The following SORCS1 variants were observed in gnomAD, a reference collection of about 807,000 sequenced individuals.
SORCS1 encodes the protein sortilin related VPS10 domain containing receptor 1, also known as VPS10 domain-containing receptor SorCS1.
SORCS1 carries 60 observed loss-of-function variants against 146.1 expected under a neutral mutation model. That is an observed-to-expected ratio of 0.41 (90% CI 0.33 to 0.51). The LOEUF is 0.51. Among genes scored for constraint, SORCS1 ranks in the 20% least tolerant of loss-of-function variants. SORCS1 has a pLI of 0.21. For synonymous variants in SORCS1, 637 were observed against 584.0 expected (o/e 1.09, Z -1.31); for missense variants, 1,352 against 1,487.6 (o/e 0.91, Z 1.50).
chr10:106,782,865 A>G (rs1470984929), intron 3 of SORCS1, among the ~76,000 whole-genome samples: 2 of 152,154 alleles, frequency 1.3e-5, no homozygotes, highest in Non-Finnish European at 2.9e-5. Flanking sequence ...TGCACCACAG[A>G]CTTCTGTTCC....
At chr10:106,656,400 A>G (rs1162243528) in intron 17 of SORCS1, among the ~76,000 whole-genome samples, 2 of 152,052 alleles carry the variant, frequency 1.3e-5, no homozygotes, top group Admixed American at 1.3e-4. Flanking sequence ...AATACAAAAA[A>G]ATTAGCCGGG....
intron 16 of SORCS1, among the ~76,000 whole-genome samples, chr10:106,669,704 C>G (rs1157570803): frequency 6.6e-6 from 1 of 152,240 alleles, no homozygotes; most frequent in Non-Finnish European, 1.5e-5. Flanking sequence ...GATTTGAGCT[C>G]CCTGAAGATT....
intron 2 of SORCS1, among the ~76,000 whole-genome samples, chr10:106,920,509 C>T (rs543816504): frequency 6.6e-6 from 1 of 152,326 alleles, no homozygotes; most frequent in Non-Finnish European, 1.5e-5. Context: ...TTCTCCCTCC[C>T]ATGTCCTCAT....
chr10:106,985,661 C>T (rs778965182), intron 1 of SORCS1, among the ~76,000 whole-genome samples: 6 of 151,864 alleles, frequency 4.0e-5, no homozygotes, highest in Non-Finnish European at 7.4e-5. Context: ...CTCAGCTTCC[C>T]GAGTAGCTGG....
At chr10:106,932,728 C>T (rs1021525528) in intron 2 of SORCS1, among the ~76,000 whole-genome samples, 3 of 152,222 alleles carry the variant, frequency 2.0e-5, no homozygotes, top group Non-Finnish European at 4.4e-5. Context: ...ATCAGAAGCA[C>T]CTTCAAGGTG....
At chr10:106,758,642 A>G (rs114673183) in intron 5 of SORCS1, among the ~76,000 whole-genome samples, 2,298 of 152,340 alleles carry the variant, frequency 0.015, 56 homozygotes, top group African/African-American at 0.052. Flanking sequence ...AATGAAAGAA[A>G]AAGACATGAA....
In SORCS1 at chr10:107,146,024, A is replaced by G. The variant is rs1258387125; in HGVS notation, c.558+17945T>C. On this transcript the variant is annotated intron_variant, in intron 1 of 25. Coordinates refer to ENST00000263054, the MANE Select transcript of SORCS1 (RefSeq NM_052918.5). ...CTGGGGCAAGCATCCTGGTTTTCACAGGGAAGTAGCTCCACAGTTTTATTG... is the reference window on the plus strand; with the variant it reads ...CTGGGGCAAGCATCCTGGTTTTCACGGGGAAGTAGCTCCACAGTTTTATTG... Among the ~76,000 whole-genome samples, 4 of 152,356 alleles carry G rather than the reference A, an allele frequency of 2.6e-5. No homozygotes were observed. The East Asian group carries it at 7.7e-4, about 29-fold the overall frequency.
chr10:106,583,843 T>A (rs1201825584), intron 24 of SORCS1, among the ~76,000 whole-genome samples: 1 of 152,156 alleles, frequency 6.6e-6, no homozygotes, highest in Non-Finnish European at 1.5e-5. Flanking sequence ...GCTCGGTTTC[T>A]TTCCAAGTTT....
intron 12 of SORCS1, 143 bp from the exon 13 acceptor site, chr10:106,677,547 G>A (rs1260917160): frequency 8.9e-6 from 6 of 673,604 alleles, no homozygotes; most frequent in African/African-American, 3.6e-5. Context: ...TAAAGCTATA[G>A]AACAGTTCTT....
At chr10:106,901,728 C>G (rs1293451092) in intron 2 of SORCS1, among the ~76,000 whole-genome samples, 1 of 152,122 alleles carries the variant, frequency 6.6e-6, no homozygotes, top group East Asian at 1.9e-4. Context: ...AGCCACTGTC[C>G]CTGGCCACAA....
Position 106,577,509 on chromosome 10 carries a change from C to T in SORCS1, c.3418G>A (p.Asp1140Asn), listed in dbSNP as rs773379815. Residue 1140 changes from aspartate (D) to asparagine (N), a missense_variant, in exon 26 of 26, where the codon GAC becomes AAC. Physicochemically the swap from Asp to Asn is conservative, Grantham distance 23. Transcript: ENST00000263054. ...GCTCTTTGCAATCGGAGAGATGAGT[C>T]ACCAGGTTGAGTAGAAGGGGAGGGA... ...SPPSPSTQPG[D>N]SSLRLQRARH... 5 of 1,600,862 alleles carry T rather than the reference C, an allele frequency of 3.1e-6. No individual in the cohort carries two copies. The highest frequency in any genetic ancestry group is 4.3e-6 in the Non-Finnish European group (5 of 1,171,474).
intron 1 of SORCS1, among the ~76,000 whole-genome samples, chr10:107,072,420 C>CAA (rs1962510484): frequency 1.3e-5 from 2 of 152,252 alleles, no homozygotes; most frequent in Admixed American, 6.5e-5. Context: ...TGCCTTGGAA[C>CAA]GGCTAATAAC....
intron 1 of SORCS1, among the ~76,000 whole-genome samples, chr10:107,082,223 G>T (rs1044802205): frequency 1.3e-5 from 2 of 152,164 alleles, no homozygotes; most frequent in African/African-American, 4.8e-5. Context: ...GGCCTTGACT[G>T]CCCTCAGAGG....
In SORCS1 at chr10:106,960,474, G is replaced by A. The variant is rs937829025; in HGVS notation, c.559-3894C>T. Reference sequence around the variant, plus strand: ...GGCTGGAGTGCAGTGGCGTGATCTCGGCTCACTGCAACCTCCGCCTCACAG... The same window carrying A: ...GGCTGGAGTGCAGTGGCGTGATCTCAGCTCACTGCAACCTCCGCCTCACAG... On this transcript the variant is annotated intron_variant, in intron 1 of 25. Transcript: ENST00000263054. This position sits in a 1 kb window ranked among gnomAD's most constrained non-coding sequence, Gnocchi z 4.4. Among the ~76,000 whole-genome samples the A allele has an allele frequency of 1.3e-5, 2 of 151,036 alleles. No individual in the cohort carries two copies. Among genetic ancestry groups the A allele is most frequent in the Non-Finnish European group, 2.9e-5 (2 of 67,828 alleles).
intron 3 of SORCS1, among the ~76,000 whole-genome samples, chr10:106,802,011 G>C (rs973433961): frequency 6.6e-6 from 1 of 152,208 alleles, no homozygotes; most frequent in Non-Finnish European, 1.5e-5. Context: ...CATTTATTAA[G>C]TACTTTCATT....
chr10:106,629,437 C>A, intron 18 of SORCS1, 49 bp from the exon 19 acceptor site: 1 of 1,592,940 alleles, frequency 6.3e-7, no homozygotes, highest in South Asian at 1.1e-5. Context: ...TTCGGCTGCT[C>A]CTGCCTAGGG....
chr10:106,806,993 GA>G (rs1378218787), intron 3 of SORCS1, among the ~76,000 whole-genome samples: 1 of 151,986 alleles, frequency 6.6e-6, no homozygotes, highest in East Asian at 1.9e-4. Flanking sequence ...AAGGCATGGG[GA>G]AAAAAAGCAC....
rs563166149 is a variant in SORCS1 at position 107,142,148 on chromosome 10, C to T, written c.558+21821G>A. ...GGCTTGGCCCTCTTATTTGCTACTT[C>T]CCAGGGGCCATTCTCCATTTACTTG... On this transcript the variant is annotated intron_variant, in intron 1 of 25. Coordinates refer to ENST00000263054, the MANE Select transcript of SORCS1 (RefSeq NM_052918.5). 6.6e-5 allele frequency among the ~76,000 whole-genome samples: 10 copies of T among 152,310 alleles called. No individual in the cohort carries two copies. The East Asian group carries it at 1.9e-3, about 29-fold the overall frequency.
Position 106,928,733 on chromosome 10 carries a change from A to G in SORCS1, c.626+27780T>C, listed in dbSNP as rs903281125. On this transcript the variant is annotated intron_variant, in intron 2 of 25. Coordinates refer to ENST00000263054, the MANE Select transcript of SORCS1 (RefSeq NM_052918.5). ...CATAGACTATTAGCAGAGGTGTCCT[A>G]TTCTCCCGGGAAGGGAGAAAGAGGA... Among the ~76,000 whole-genome samples the G allele has an allele frequency of 3.3e-5, 5 of 152,114 alleles. No homozygotes were observed. In the East Asian group the frequency reaches 9.7e-4, roughly 29 times the overall value.
Sources: gnomAD v4.1 joint callset for allele counts (sites outside exome capture counted in the v4.1 genomes callset) on GRCh38, gnomAD v4.1.1 for gene constraint, Gnocchi (gnomAD v3.1) non-coding constraint, MANE v1.5 for transcripts, NCBI Gene and HGNC (gene_info 2026-07-23, HGNC 2026-07-21) for gene names.